COL11A1: variants seen among roughly 807,000 people sequenced by gnomAD.
COL11A1 encodes the protein collagen type XI alpha 1 chain, also known as collagen alpha-1(XI) chain.
COL11A1 carries 74 observed loss-of-function variants against 265.2 expected under a neutral mutation model. That is an observed-to-expected ratio of 0.28 (90% CI 0.23 to 0.34). COL11A1 has a LOEUF of 0.34. Ranked by LOEUF, COL11A1 falls within the 10% of genes least tolerant of loss-of-function variation. COL11A1 has a pLI of 1.00. For synonymous variants in COL11A1, 816 were observed against 727.6 expected (o/e 1.12, Z -1.96); for missense variants, 2,165 against 2,263.6 (o/e 0.96, Z 0.88).
chr1:103,010,825 C>G lies in COL11A1; in HGVS notation c.1629+1588G>C, dbSNP rs556172412. On this transcript the variant is annotated intron_variant, in intron 14 of 66. Transcript: ENST00000370096. ...AAGCCATTCTCCTGCCTCAGCCTCC[C>G]GAGTAGCTGGGATTACAGGCATGTG... Among the ~76,000 whole-genome samples the G allele has an allele frequency of 6.5e-4, 99 of 151,998 alleles. 1 individual carries two copies. The highest frequency in any genetic ancestry group is 2.4e-3 in the African/African-American group (98 of 41,452).
intron 24 of COL11A1, 94 bp from the exon 25 acceptor site, chr1:102,998,457 C>T (rs1664833640): frequency 2.5e-6 from 2 of 802,298 alleles, no homozygotes; most frequent in South Asian, 4.3e-5. Context: ...TATCCTGAGT[C>T]ACTGGCTTCA....
At chr1:103,108,044 C>T (rs1212318428) in intron 1 of COL11A1, 29 bp downstream of exon 1, 1 of 1,568,878 alleles carries the variant, frequency 6.4e-7, no homozygotes. Context: ...ACGGCAATCT[C>T]CCACCTCCCC....
intron 42 of COL11A1, among the ~76,000 whole-genome samples, chr1:102,941,215 C>A (rs986223951): frequency 3.3e-5 from 5 of 152,110 alleles, no homozygotes; most frequent in Non-Finnish European, 7.4e-5. Flanking sequence ...TAGTTTTAGA[C>A]ATTTTATCTC....
intron 43 of COL11A1, among the ~76,000 whole-genome samples, chr1:102,939,625 G>A (rs1396164893): frequency 1.3e-5 from 2 of 152,048 alleles, no homozygotes; most frequent in Admixed American, 6.5e-5. Flanking sequence ...GATCGCTCAA[G>A]TCCAGGAGTT....
rs1038051820 is a variant in COL11A1 at position 102,949,391 on chromosome 1, G to A, written c.3169-2435C>T. Among the ~76,000 whole-genome samples, 25 of 151,808 alleles carry A rather than the reference G, an allele frequency of 1.6e-4. 1 individual carries two copies. Among genetic ancestry groups the A allele is most frequent in the African/African-American group, 2.9e-4 (12 of 41,248 alleles). On this transcript the variant is annotated intron_variant, in intron 41 of 66. Coordinates refer to ENST00000370096, the MANE Select transcript of COL11A1 (RefSeq NM_001854.4). ...TAATTGGCTATACAAAAAGAGGTGC[G>A]ATTTTAATTTGTCGGGCCATAAAAT... is the stretch of plus-strand genomic sequence containing the variant.
chr1:102,918,852 C>A (rs141481705), intron 49 of COL11A1, among the ~76,000 whole-genome samples: 15 of 152,146 alleles, frequency 9.9e-5, no homozygotes, highest in African/African-American at 3.6e-4. Context: ...AAACACCTGG[C>A]ATTCATGCCT....
rs780129997 is a variant in COL11A1 at position 102,888,625 on chromosome 1, G to A, written c.4560C>T (p.Pro1520=). ...GACCACTGTCACCTTTCTGGCCAGCGGGTCCCTGTTAGAAAGAAGAGAGAG... is the reference window on the plus strand; with the variant it reads ...GACCACTGTCACCTTTCTGGCCAGCAGGTCCCTGTTAGAAAGAAGAGAGAG... ...GPKGNKGSTG[P]AGQKGDSGLP... is the part of the protein sequence containing the mutation. Residue 1520 remains proline, a synonymous_variant, in exon 62 of 67, where the codon CCC becomes CCT. Transcript: ENST00000370096. The A allele has an allele frequency of 1.2e-5, 19 of 1,613,600 alleles. No homozygotes were observed. The highest frequency in any genetic ancestry group is 4.0e-5 in the African/African-American group (3 of 74,896).
intron 9 of COL11A1, among the ~76,000 whole-genome samples, chr1:103,019,846 T>C (rs1666868392): frequency 1.3e-5 from 2 of 150,866 alleles, no homozygotes; most frequent in Admixed American, 1.3e-4. Context: ...GTGTTTGGTT[T>C]TTTGTTCTTG....
chr1:103,058,851 C>T (rs1670438011), intron 4 of COL11A1, among the ~76,000 whole-genome samples: 1 of 152,118 alleles, frequency 6.6e-6, no homozygotes, highest in Admixed American at 6.6e-5. Flanking sequence ...TGGTAATTCT[C>T]ATGACATTTC....
chr1:102,878,416 GTC>G (rs1239736035), intron 66 of COL11A1, among the ~76,000 whole-genome samples: 4 of 135,944 alleles, frequency 2.9e-5, no homozygotes, highest in Non-Finnish European at 1.5e-5. Context: ...ATTAAAAAGA[GTC>G]TTGAGTTTCA....
chr1:103,062,020 T>C (rs1467281423), intron 4 of COL11A1, among the ~76,000 whole-genome samples: 5 of 151,910 alleles, frequency 3.3e-5, no homozygotes, highest in African/African-American at 7.2e-5. Flanking sequence ...ACAGATCCCA[T>C]GGACATTAAA....
intron 1 of COL11A1, among the ~76,000 whole-genome samples, chr1:103,088,232 T>A (rs939716276): frequency 6.6e-6 from 1 of 152,218 alleles, no homozygotes; most frequent in Non-Finnish European, 1.5e-5. Context: ...AAACTGCTTC[T>A]TAAGTCCACC....
intron 46 of COL11A1, among the ~76,000 whole-genome samples, chr1:102,933,760 C>T (rs1337579587): frequency 6.6e-6 from 1 of 152,142 alleles, no homozygotes; most frequent in Non-Finnish European, 1.5e-5. Flanking sequence ...GGCGTAGGAC[C>T]CTCTGAGCCA....
chr1:102,956,269 T>A (rs1033669106), intron 41 of COL11A1, among the ~76,000 whole-genome samples: 1 of 152,184 alleles, frequency 6.6e-6, no homozygotes, highest in African/African-American at 2.4e-5. Flanking sequence ...AAAAACATTG[T>A]TCTCACCTTT....
In COL11A1 at chr1:102,888,663, G is replaced by T. The variant is rs913393153; in HGVS notation, c.4555-33C>A. On this transcript the variant is annotated intron_variant, in intron 61 of 66. Transcript: ENST00000370096. ...AAAGAAGAGAGAGGACATAAATAAA[G>T]AAGAGGCAATTAAATAGGTTTCAAT... 3.1e-6 allele frequency: 5 copies of T among 1,613,642 alleles called. No homozygotes were observed. The East Asian group carries it at 8.9e-5, about 29-fold the overall frequency.
rs1660976846 is a variant in COL11A1 at position 102,962,193 on chromosome 1, C to T, written c.3097G>A (p.Gly1033Ser). Residue 1033 changes from glycine (G) to serine (S), a missense_variant, in exon 40 of 67, where the codon GGT (glycine) becomes AGT (serine). Coordinates refer to ENST00000370096, the MANE Select transcript of COL11A1 (RefSeq NM_001854.4). ...AGLRGFPGER[G>S]LPGAQGAPGL... ...GATTATACCTGAGCTCCAGGAAGACCTCTTTCCCCTGGGAAACCACGTAAT... is the reference window on the plus strand; with the variant it reads ...GATTATACCTGAGCTCCAGGAAGACTTCTTTCCCCTGGGAAACCACGTAAT... 1 of 1,612,938 alleles carries T rather than the reference C, an allele frequency of 6.2e-7. No individual in the cohort carries two copies. The highest frequency in any genetic ancestry group is 1.1e-5 in the South Asian group (1 of 91,042).
intron 4 of COL11A1, among the ~76,000 whole-genome samples, chr1:103,049,969 G>C (rs1425855953): frequency 6.6e-6 from 1 of 152,184 alleles, no homozygotes; most frequent in Admixed American, 6.5e-5. Context: ...CGAGAGATCA[G>C]CTGTTAATCT....
At chr1:102,997,254 T>A in intron 25 of COL11A1, 130 bp from the exon 26 acceptor site, 1 of 872,036 alleles carries the variant, frequency 1.1e-6, no homozygotes, top group South Asian at 1.4e-5. Context: ...TTGAACACTT[T>A]TGCATCAGTG....
At position 103,026,273 on chromosome 1, in the gene COL11A1, C is replaced by T. The variant is rs777095769; in HGVS notation, c.840G>A (p.Glu280=). 14 of 1,613,626 alleles carry T rather than the reference C, an allele frequency of 8.7e-6. No individual in the cohort carries two copies. The highest frequency in any genetic ancestry group is 1.2e-5 in the Non-Finnish European group (14 of 1,179,700). The change falls in exon 6 of 67, where the codon GAG becomes GAA. Residue 280 remains glutamate, a synonymous_variant. Transcript: ENST00000370096. The part of the protein sequence containing the change: ...DYEYGEAEYK[E]AESVTEGPTV... ...TGGGTCCCTCTGTTACACTTTCAGC[C>T]TCTTTATACTCTGCTTCCCCATACT...
Sources: gnomAD v4.1 joint callset for allele counts (sites outside exome capture counted in the v4.1 genomes callset) on GRCh38, gnomAD v4.1.1 for gene constraint, MANE v1.5 for transcripts, NCBI Gene and HGNC (gene_info 2026-07-23, HGNC 2026-07-21) for gene names.